Variants in LRRTM4 observed in about 807,000 individuals in gnomAD.
LRRTM4 encodes leucine-rich repeat transmembrane neuronal protein 4.
Under a neutral mutation model 47.6 loss-of-function variants are expected in LRRTM4, and 25 were observed. The observed-to-expected ratio is 0.53, with a 90% CI of 0.38 to 0.73. The LOEUF (loss-of-function observed/expected upper bound fraction) is 0.73, where lower values mean the gene tolerates loss of function less well. Ranked by LOEUF, LRRTM4 falls within the 30% of genes least tolerant of loss-of-function variation. LRRTM4 has a pLI of 0.00. For missense variants in LRRTM4, 638 were observed against 713.4 expected, an observed-to-expected ratio of 0.89 and a Z score of 1.20; for synonymous variants, 311 against 269.5, an observed-to-expected ratio of 1.15 and a Z score of -1.51.
chr2:77,516,708 G>T, intron 3 of LRRTM4: 1 of 965,568 alleles, frequency 1.0e-6, no homozygotes, highest in Non-Finnish European at 1.2e-6. Context: ...AAGGGCAATT[G>T]CTTATACAGT....
chr2:76,839,165 C>T (rs904523003), intron 3 of LRRTM4, among the ~76,000 whole-genome samples: 2 of 151,972 alleles, frequency 1.3e-5, no homozygotes, highest in Admixed American at 1.3e-4. Flanking sequence ...TAAGGGACAA[C>T]GTGAGAAAAA....
At chr2:76,853,877 T>C (rs146661936) in intron 3 of LRRTM4, among the ~76,000 whole-genome samples, 6 of 152,292 alleles carry the variant, frequency 3.9e-5, no homozygotes, top group African/African-American at 1.2e-4. Flanking sequence ...TCTAAGGAAA[T>C]TTGTTCTCTC....
chr2:76,904,165 C>G (rs1573288514), intron 3 of LRRTM4, among the ~76,000 whole-genome samples: 1 of 152,192 alleles, frequency 6.6e-6, no homozygotes. Flanking sequence ...AGACATAATT[C>G]TTTAAATTCA....
chr2:76,769,386 T>C (rs2104106826), intron 3 of LRRTM4, among the ~76,000 whole-genome samples: 1 of 152,250 alleles, frequency 6.6e-6, no homozygotes, highest in African/African-American at 2.4e-5. Flanking sequence ...AAGGCCTGCT[T>C]TTGCCTTAGT....
intron 3 of LRRTM4, among the ~76,000 whole-genome samples, chr2:76,885,823 G>GA (rs1396539889): frequency 5.3e-5 from 8 of 151,958 alleles, no homozygotes; most frequent in African/African-American, 1.9e-4. Context: ...GGAATTTTAT[G>GA]AAAAATGCAT....
chr2:76,974,225 TACATATATATATATAC>T (rs1295356694), intron 3 of LRRTM4, among the ~76,000 whole-genome samples: 14 of 99,068 alleles, frequency 1.4e-4, no homozygotes, highest in African/African-American at 5.1e-4. Context: ...TATATATACA[TACATATATATATATAC>T]ATATATATAT....
At chr2:77,176,974 C>A (rs561065568) in intron 3 of LRRTM4, among the ~76,000 whole-genome samples, 1 of 152,252 alleles carries the variant, frequency 6.6e-6, no homozygotes, top group East Asian at 1.9e-4. Context: ...CGGCAGCTTC[C>A]AGAAATTATC....
At chr2:77,357,095 T>A (rs1463533118) in intron 3 of LRRTM4, among the ~76,000 whole-genome samples, 1 of 152,156 alleles carries the variant, frequency 6.6e-6, no homozygotes, top group Non-Finnish European at 1.5e-5. Flanking sequence ...CAAACCAGAT[T>A]AAATTATGTC....
At chr2:77,078,330 A>C (rs1680413224) in intron 3 of LRRTM4, among the ~76,000 whole-genome samples, 1 of 151,946 alleles carries the variant, frequency 6.6e-6, no homozygotes, top group Admixed American at 6.6e-5. Flanking sequence ...CAACAAATCT[A>C]GGAAAGATAA....
chr2:77,404,511 A>G (rs1042363869), intron 3 of LRRTM4, among the ~76,000 whole-genome samples: 3 of 152,114 alleles, frequency 2.0e-5, no homozygotes, highest in African/African-American at 7.2e-5. Flanking sequence ...GAACAAGAAA[A>G]GACATTTGCC....
chr2:77,417,654 A>G (rs1384975984), intron 3 of LRRTM4, among the ~76,000 whole-genome samples: 1 of 151,900 alleles, frequency 6.6e-6, no homozygotes, highest in African/African-American at 2.4e-5. Flanking sequence ...TCAGCAAACT[A>G]TCACAAGGAC....
intron 3 of LRRTM4, among the ~76,000 whole-genome samples, chr2:76,996,671 T>G (rs1381422838): frequency 3.9e-5 from 6 of 152,222 alleles, no homozygotes; most frequent in Non-Finnish European, 7.4e-5. Flanking sequence ...CACAGTAGGA[T>G]GTTGGGAGGA....
intron 3 of LRRTM4, among the ~76,000 whole-genome samples, chr2:77,074,391 T>C (rs554471667): frequency 1.3e-5 from 2 of 152,254 alleles, no homozygotes; most frequent in African/African-American, 4.8e-5. Context: ...TTGAACACTT[T>C]TTTCTGTTGA....
At chr2:77,224,930 C>G (rs1674758361) in intron 3 of LRRTM4, among the ~76,000 whole-genome samples, 1 of 152,008 alleles carries the variant, frequency 6.6e-6, no homozygotes, top group Non-Finnish European at 1.5e-5. Context: ...TTTGTTGTGG[C>G]ACTATTCACA....
intron 3 of LRRTM4, among the ~76,000 whole-genome samples, chr2:76,870,525 G>A (rs576990172): frequency 2.0e-4 from 31 of 152,164 alleles, no homozygotes; most frequent in African/African-American, 7.5e-4. Context: ...TCAAGCTTAG[G>A]TATATGGCAG....
chr2:77,044,645 A>G (rs1230081888), intron 3 of LRRTM4, among the ~76,000 whole-genome samples: 1 of 151,612 alleles, frequency 6.6e-6, no homozygotes, highest in African/African-American at 2.4e-5. Context: ...ATATACACAC[A>G]AACATATACA....
At chr2:77,313,825 C>T (rs1294848049) in intron 3 of LRRTM4, among the ~76,000 whole-genome samples, 1 of 152,098 alleles carries the variant, frequency 6.6e-6, no homozygotes, top group Admixed American at 6.5e-5. Context: ...CAAAGACTAC[C>T]CATTGTCATT....
At chr2:76,916,384 C>CAAA (rs57874749) in intron 3 of LRRTM4, among the ~76,000 whole-genome samples, 2,204 of 53,368 alleles carry the variant, frequency 0.041, 231 homozygotes, top group African/African-American at 0.12. Context: ...GACTGTGTCT[C>CAAA]AAAAAAAAAA....
intron 3 of LRRTM4, among the ~76,000 whole-genome samples, chr2:77,390,418 T>A (rs1169932947): frequency 1.3e-5 from 2 of 152,092 alleles, no homozygotes; most frequent in Non-Finnish European, 2.9e-5. Context: ...TGTATTTTGT[T>A]ACCAAAAGTA....
Sources: allele counts gnomAD v4.1 joint callset (sites outside exome capture counted in the v4.1 genomes callset), GRCh38; gene constraint gnomAD v4.1.1; transcripts MANE v1.5; gene names NCBI Gene and HGNC (gene_info 2026-07-23, HGNC 2026-07-21).